ASTN2: variants seen among roughly 807,000 people sequenced by gnomAD.
ASTN2 encodes the protein astrotactin 2.
ASTN2 carries 54 observed loss-of-function variants against 139.8 expected under a neutral mutation model. The ratio of observed to expected loss-of-function variants is 0.39; its 90% CI spans 0.31 to 0.48. The LOEUF (loss-of-function observed/expected upper bound fraction) is 0.48. Among genes scored for constraint, ASTN2 ranks in the 20% least tolerant of loss-of-function variants. ASTN2 has a pLI of 0.95. For missense variants in ASTN2, 1,565 were observed against 1,725.1 expected, an observed-to-expected ratio of 0.91 and a Z score of 1.64; for synonymous variants, 756 against 719.5, an observed-to-expected ratio of 1.05 and a Z score of -0.81.
chr9:117,144,966 A>G (rs1279250769), intron 3 of ASTN2, among the ~76,000 whole-genome samples: 1 of 151,816 alleles, frequency 6.6e-6, no homozygotes, highest in African/African-American at 2.4e-5. Flanking sequence ...TACAGGCATG[A>G]CCCACTACGC....
At chr9:116,978,495 G>GCACACACACACACACACA in intron 7 of ASTN2, among the ~76,000 whole-genome samples, 2 of 127,722 alleles carry the variant, frequency 1.6e-5, no homozygotes, top group East Asian at 4.6e-4. Flanking sequence ...TCTCTCTCAC[G>GCACACACACACACACACA]CACACACACA....
In ASTN2 at chr9:116,794,269, T is replaced by G. The variant is rs183879022; in HGVS notation, c.2396+11363A>C. Among the ~76,000 whole-genome samples the G allele has an allele frequency of 3.6e-4, 54 of 152,066 alleles. No homozygotes were observed. In the East Asian group the frequency reaches 8.4e-3, roughly 24 times the overall value. ...AGGCGCCACCAAGCCCGGCTAATTT[T>G]GTATTTTTAGTAGAGATGGGATTTC... On this transcript the variant is annotated intron_variant, in intron 13 of 22. Transcript: ENST00000313400.
intron 13 of ASTN2, among the ~76,000 whole-genome samples, chr9:116,805,380 T>C (rs1831003112): frequency 1.3e-5 from 2 of 152,142 alleles, no homozygotes; most frequent in African/African-American, 4.8e-5. Flanking sequence ...TAATTTAAGA[T>C]TGAATTTAAA....
intron 19 of ASTN2, among the ~76,000 whole-genome samples, chr9:116,616,206 A>T (rs1250669904): frequency 6.6e-6 from 1 of 152,240 alleles, no homozygotes. Flanking sequence ...GCATGTAATC[A>T]GTGCATGTTG....
Position 116,446,308 on chromosome 9 carries a change from G to A in ASTN2, c.3498-3755C>T, listed in dbSNP as rs1050616906. Among the ~76,000 whole-genome samples, 5 of 136,904 alleles carry A rather than the reference G, an allele frequency of 3.7e-5. No homozygotes were observed. The East Asian group carries it at 8.3e-4, about 23-fold the overall frequency. 89.8% of individuals were successfully genotyped at this position (136,904 alleles called of 152,430 possible). A position where few individuals can be genotyped will look rare whatever the true frequency, so the allele number is the denominator to read the frequency against. On this transcript the variant is annotated intron_variant, in intron 20 of 22. Transcript: ENST00000313400. ...AGAGAGAGAGAGAGAGAGAGAGAGA[G>A]AATAATCAGACCTCTGAGTTTCTTG...
chr9:116,743,111 G>C (rs558311270), intron 13 of ASTN2, among the ~76,000 whole-genome samples: 1 of 152,192 alleles, frequency 6.6e-6, no homozygotes. Flanking sequence ...CTGAGGCCAA[G>C]TTAAGGGGTA....
At chr9:117,002,800 C>T (rs192772805) in intron 7 of ASTN2, among the ~76,000 whole-genome samples, 28 of 152,264 alleles carry the variant, frequency 1.8e-4, no homozygotes, top group African/African-American at 6.0e-4. Flanking sequence ...GCAAAGTTTA[C>T]AGTCTGGTGA....
At chr9:116,998,730 AG>A (rs1447661955) in intron 7 of ASTN2, among the ~76,000 whole-genome samples, 1 of 152,222 alleles carries the variant, frequency 6.6e-6, no homozygotes, top group Non-Finnish European at 1.5e-5. Flanking sequence ...ACAGTCTGCC[AG>A]AAAGTTGGTT....
At chr9:116,535,091 A>G (rs1241979787) in intron 19 of ASTN2, among the ~76,000 whole-genome samples, 1 of 152,120 alleles carries the variant, frequency 6.6e-6, no homozygotes, top group Non-Finnish European at 1.5e-5. Flanking sequence ...CTTCTTGTTG[A>G]ATTGGTCCCT....
At chr9:117,397,623 T>C (rs901184122) in intron 1 of ASTN2, among the ~76,000 whole-genome samples, 4 of 152,180 alleles carry the variant, frequency 2.6e-5, no homozygotes, top group African/African-American at 4.8e-5. Flanking sequence ...CATCTAATAA[T>C]TGGCAAATGT....
intron 2 of ASTN2, among the ~76,000 whole-genome samples, chr9:117,285,810 C>T (rs763459797): frequency 2.2e-4 from 34 of 152,306 alleles, no homozygotes; most frequent in Non-Finnish European, 3.4e-4. Context: ...CCTGAATCCT[C>T]CCTCATTGGA....
At chr9:116,859,344 A>G (rs1832819833) in intron 11 of ASTN2, among the ~76,000 whole-genome samples, 1 of 152,216 alleles carries the variant, frequency 6.6e-6, no homozygotes, top group African/African-American at 2.4e-5. Flanking sequence ...CAATTGGCCA[A>G]TTACCTATAT....
chr9:117,347,939 G>T (rs1384757706), intron 1 of ASTN2, among the ~76,000 whole-genome samples: 1 of 152,178 alleles, frequency 6.6e-6, no homozygotes, highest in Non-Finnish European at 1.5e-5. Flanking sequence ...TCAAAACCCT[G>T]TGCATGCTGC....
intron 14 of ASTN2, among the ~76,000 whole-genome samples, chr9:116,730,883 C>G (rs1828759277): frequency 6.6e-6 from 1 of 152,180 alleles, no homozygotes; most frequent in South Asian, 2.1e-4. Context: ...CTGCTCATTC[C>G]TGGATTCATG....
chr9:116,589,648 C>G (rs1277081575), intron 19 of ASTN2, among the ~76,000 whole-genome samples: 1 of 128,508 alleles, frequency 7.8e-6, no homozygotes, highest in Non-Finnish European at 1.7e-5. Context: ...TACAGTGTTT[C>G]TCCAGTAGAG....
intron 10 of ASTN2, among the ~76,000 whole-genome samples, chr9:116,893,571 A>T (rs1405929288): frequency 6.6e-6 from 1 of 152,148 alleles, no homozygotes; most frequent in East Asian, 1.9e-4. Flanking sequence ...ACCTGGCTCT[A>T]CTTGGTATTG....
intron 3 of ASTN2, among the ~76,000 whole-genome samples, chr9:117,162,048 T>C (rs1830565500): frequency 6.6e-6 from 1 of 151,932 alleles, no homozygotes; most frequent in Non-Finnish European, 1.5e-5. Flanking sequence ...AAATTTCAGC[T>C]CAGACCTTGA....
intron 5 of ASTN2, among the ~76,000 whole-genome samples, chr9:117,080,880 T>C (rs1172081214): frequency 1.3e-5 from 2 of 152,104 alleles, no homozygotes; most frequent in Non-Finnish European, 2.9e-5. Flanking sequence ...CAATGTGTAT[T>C]AAATGAATAA....
intron 19 of ASTN2, among the ~76,000 whole-genome samples, chr9:116,599,204 G>C (rs1057013476): frequency 6.6e-6 from 1 of 152,192 alleles, no homozygotes. Flanking sequence ...GTGAGGGTGT[G>C]AGTCTAAAGT....
Sources: allele counts gnomAD v4.1 joint callset (sites outside exome capture counted in the v4.1 genomes callset), GRCh38; gene constraint gnomAD v4.1.1; transcripts MANE v1.5; gene names NCBI Gene and HGNC (gene_info 2026-07-23, HGNC 2026-07-21).